PELI2: variants seen among roughly 807,000 people sequenced by gnomAD.
PELI2 encodes E3 ubiquitin-protein ligase pellino homolog 2.
Under a neutral mutation model 42.3 loss-of-function variants are expected in PELI2, and 23 were observed. The observed-to-expected ratio is 0.54, with a 90% CI of 0.39 to 0.77. The LOEUF is 0.77. PELI2 is among the 30% of genes least tolerant of loss of function. The probability of loss-of-function intolerance (pLI) is 0.00; values close to 1 mark genes in which losing one functional copy is unlikely to be tolerated. For synonymous variants in PELI2, 245 were observed against 212.2 expected (o/e 1.15, Z -1.34); for missense variants, 463 against 553.2 (o/e 0.84, Z 1.64).
chr14:56,173,867 C>T (rs538440962), intron 1 of PELI2, among the ~76,000 whole-genome samples: 40 of 152,226 alleles, frequency 2.6e-4, no homozygotes, highest in African/African-American at 8.4e-4. Flanking sequence ...CTGCAAACAC[C>T]GCTTTTCCAA....
At chr14:56,229,982 G>A (rs1179119525) in intron 2 of PELI2, among the ~76,000 whole-genome samples, 1 of 152,198 alleles carries the variant, frequency 6.6e-6, no homozygotes, top group Non-Finnish European at 1.5e-5. Flanking sequence ...ATTCAATCAA[G>A]TTGAAGACAG....
At chr14:56,193,942 C>A (rs1001728265) in intron 2 of PELI2, among the ~76,000 whole-genome samples, 1 of 152,178 alleles carries the variant, frequency 6.6e-6, no homozygotes, top group Non-Finnish European at 1.5e-5. Context: ...CCTAGAGTTA[C>A]AGGACCTTTC....
At chr14:56,281,245 GT>G (rs1889472616) in intron 3 of PELI2, among the ~76,000 whole-genome samples, 1 of 152,046 alleles carries the variant, frequency 6.6e-6, no homozygotes, top group Non-Finnish European at 1.5e-5. Context: ...GTATATACTA[GT>G]AAAAAACTAA....
intron 1 of PELI2, among the ~76,000 whole-genome samples, chr14:56,133,682 T>C (rs1883578464): frequency 6.6e-6 from 1 of 152,216 alleles, no homozygotes; most frequent in South Asian, 2.1e-4. Flanking sequence ...CCTGCTCAAC[T>C]GATAGGATTT....
At position 56,119,875 on chromosome 14, in the gene PELI2, C is replaced by T. The variant is rs1004802015; in HGVS notation, c.77+1138C>T. 1.1e-5 allele frequency: 11 copies of T among 982,288 alleles called. No individual in the cohort carries two copies. The Admixed American group carries it at 2.5e-4, about 22-fold the overall frequency. 60.8% of individuals were successfully genotyped at this position (982,288 alleles called of 1,614,324 possible). ...TCGGCGCTGATAGGTAGGCTTAGCA[C>T]ACATATGAGGAGTCATGGCTGTGGG... On this transcript the variant is annotated intron_variant, in intron 1 of 5. Coordinates refer to ENST00000267460, the MANE Select transcript of PELI2 (RefSeq NM_021255.3).
At chr14:56,293,640 C>T (rs1407809952) in intron 5 of PELI2, among the ~76,000 whole-genome samples, 1 of 152,156 alleles carries the variant, frequency 6.6e-6, no homozygotes, top group East Asian at 1.9e-4. Flanking sequence ...CCACGCTCTG[C>T]CCTCTAATTG....
chr14:56,292,802 C>G lies in PELI2; in HGVS notation c.696+2346C>G, dbSNP rs1728733446. ...AATGTCTTTTCAGGCCTTTAACTCC[C>G]TGAATAAATAGGTGAATGGAGTTTG... On this transcript the variant is annotated intron_variant, in intron 5 of 5. Coordinates refer to ENST00000267460, the MANE Select transcript of PELI2 (RefSeq NM_021255.3). The G allele has an allele frequency of 5.2e-6, 5 of 961,360 alleles. No homozygotes were observed. The Admixed American group carries it at 2.5e-4, about 47-fold the overall frequency. 59.6% of individuals were successfully genotyped at this position (961,360 alleles called of 1,614,324 possible).
chr14:56,139,421 G>A (rs1336768444), intron 1 of PELI2, among the ~76,000 whole-genome samples: 1 of 152,054 alleles, frequency 6.6e-6, no homozygotes, highest in East Asian at 1.9e-4. Flanking sequence ...ATTTTCTAAG[G>A]AAAGTACCCT....
At position 56,181,839 on chromosome 14, in the gene PELI2, AATGTGTGT is replaced by A. The variant is rs1434435991; in HGVS notation, c.207+3376_207+3383del. On this transcript the variant is annotated intron_variant, in intron 2 of 5. Coordinates refer to ENST00000267460, the MANE Select transcript of PELI2 (RefSeq NM_021255.3). ...CTCAGAGGTATTTCTCTGATTATGT[AATGTGTGT>A]GTGTGTGTGTGTGTGTGTGTGTGTG... Among the ~76,000 whole-genome samples the A allele has an allele frequency of 2.2e-4, 27 of 122,184 alleles. 1 individual carries two copies. In the South Asian group the frequency reaches 6.9e-3, roughly 31 times the overall value. The allele number at this position is 122,184 out of a possible 152,430, so 80.2% of individuals were successfully genotyped here. A position where few individuals can be genotyped will look rare whatever the true frequency, so the allele number is the denominator to read the frequency against.
intron 2 of PELI2, among the ~76,000 whole-genome samples, chr14:56,229,676 C>A (rs987524201): frequency 6.6e-6 from 1 of 152,128 alleles, no homozygotes; most frequent in African/African-American, 2.4e-5. Flanking sequence ...TTCTAAAAAC[C>A]AGAGTGCCTC....
intron 1 of PELI2, among the ~76,000 whole-genome samples, chr14:56,142,898 A>T (rs1294566939): frequency 6.6e-6 from 1 of 152,152 alleles, no homozygotes; most frequent in Non-Finnish European, 1.5e-5. Flanking sequence ...TTGTTCAACT[A>T]TACAGAGAGT....
At chr14:56,169,744 G>A (rs1885099408) in intron 1 of PELI2, among the ~76,000 whole-genome samples, 1 of 152,208 alleles carries the variant, frequency 6.6e-6, no homozygotes, top group Non-Finnish European at 1.5e-5. Flanking sequence ...GGGACAATGG[G>A]TGGAGCCTTT....
Position 56,297,330 on chromosome 14 carries a change from A to T in PELI2, c.*164A>T. The T allele has an allele frequency of 3.3e-6, 2 of 600,046 alleles. No individual in the cohort carries two copies. Among genetic ancestry groups the T allele is most frequent in the South Asian group, 4.1e-5 (2 of 48,326 alleles). 37.2% of individuals were successfully genotyped at this position (600,046 alleles called of 1,614,324 possible). A position where few individuals can be genotyped will look rare whatever the true frequency, so the allele number is the denominator to read the frequency against. ...ATGAAACATGGCAGGAGTGTAACAG[A>T]TACCAGTGGTGTGTTGCATGCTCAA... On this transcript the variant is annotated 3_prime_UTR_variant, in exon 6 of 6. Coordinates refer to ENST00000267460, the MANE Select transcript of PELI2 (RefSeq NM_021255.3).
chr14:56,132,400 C>T (rs1595542038), intron 1 of PELI2, among the ~76,000 whole-genome samples: 1 of 152,176 alleles, frequency 6.6e-6, no homozygotes, highest in African/African-American at 2.4e-5. Flanking sequence ...GAGGATGTAA[C>T]TTAATGTTTT....
At chr14:56,187,995 C>T (rs1885828059) in intron 2 of PELI2, among the ~76,000 whole-genome samples, 1 of 152,196 alleles carries the variant, frequency 6.6e-6, no homozygotes, top group Non-Finnish European at 1.5e-5. Context: ...TGATCTTCAG[C>T]CTGGTGTACT....
intron 2 of PELI2, among the ~76,000 whole-genome samples, chr14:56,271,323 C>A (rs1889096620): frequency 6.6e-6 from 1 of 152,168 alleles, no homozygotes; most frequent in Non-Finnish European, 1.5e-5. Context: ...AACTCATTGG[C>A]CCCACTCAGA....
At chr14:56,209,344 T>G (rs1450270782) in intron 2 of PELI2, among the ~76,000 whole-genome samples, 1 of 152,176 alleles carries the variant, frequency 6.6e-6, no homozygotes, top group African/African-American at 2.4e-5. Context: ...AAATTACCCC[T>G]TTTTCCAATT....
At chr14:56,270,057 C>A (rs74625738) in intron 2 of PELI2, among the ~76,000 whole-genome samples, 86 of 152,302 alleles carry the variant, frequency 5.6e-4, no homozygotes, top group African/African-American at 1.9e-3. Flanking sequence ...ATAGATTGAG[C>A]GTGCCTGCCC....
At chr14:56,141,415 T>G (rs1883902591) in intron 1 of PELI2, among the ~76,000 whole-genome samples, 1 of 152,182 alleles carries the variant, frequency 6.6e-6, no homozygotes, top group African/African-American at 2.4e-5. Context: ...ACTAAACATC[T>G]TTTCGTCTTT....
Sources: allele counts gnomAD v4.1 joint callset (sites outside exome capture counted in the v4.1 genomes callset), GRCh38; gene constraint gnomAD v4.1.1; transcripts MANE v1.5; gene names NCBI Gene and HGNC (gene_info 2026-07-23, HGNC 2026-07-21).